Variants in THSD4 observed in about 807,000 individuals in gnomAD.
The protein encoded by THSD4 is thrombospondin type 1 domain containing 4.
A neutral mutation model predicts 119.0 loss-of-function variants in THSD4; 69 were observed. That is an observed-to-expected ratio of 0.58 (90% CI 0.48 to 0.71). The LOEUF is 0.71. THSD4 is among the 30% of genes least tolerant of loss of function. The pLI is 0.00. For missense variants in THSD4, 1,393 were observed against 1,391.1 expected (o/e 1.00, Z -0.02); for synonymous variants, 524 against 540.4 (o/e 0.97, Z 0.42).
At chr15:71,568,189 C>T (rs539536211) in intron 7 of THSD4, among the ~76,000 whole-genome samples, 2 of 152,208 alleles carry the variant, frequency 1.3e-5, no homozygotes, top group South Asian at 2.1e-4. Context: ...AACGAGGACT[C>T]CCTGGTCTTC....
intron 3 of THSD4, among the ~76,000 whole-genome samples, chr15:71,159,157 T>C (rs1316360969): frequency 6.6e-6 from 1 of 152,188 alleles, no homozygotes. Flanking sequence ...GGCTCTCTAT[T>C]CTGTTCCATT....
At chr15:71,710,691 G>A (rs1438877209) in intron 8 of THSD4, among the ~76,000 whole-genome samples, 2 of 152,174 alleles carry the variant, frequency 1.3e-5, no homozygotes, top group Non-Finnish European at 2.9e-5. Context: ...TGTTAAGCCT[G>A]GATTGAGCTC....
At chr15:71,477,604 C>G (rs1162328196) in intron 7 of THSD4, among the ~76,000 whole-genome samples, 1 of 152,188 alleles carries the variant, frequency 6.6e-6, no homozygotes, top group Non-Finnish European at 1.5e-5. Flanking sequence ...AGCAACTCTT[C>G]TATCTGTAGG....
At chr15:71,104,573 G>A (rs2040266459) in intron 1 of THSD4, among the ~76,000 whole-genome samples, 1 of 152,188 alleles carries the variant, frequency 6.6e-6, no homozygotes, top group South Asian at 2.1e-4. Context: ...CCATGGCCTA[G>A]AGAACACAGT....
intron 6 of THSD4, among the ~76,000 whole-genome samples, chr15:71,382,466 G>T (rs1036965250): frequency 6.6e-6 from 1 of 151,780 alleles, no homozygotes; most frequent in Non-Finnish European, 1.5e-5. Context: ...TTTATAATAC[G>T]CATCTTCCAC....
chr15:71,379,690 C>A (rs1423675642), intron 6 of THSD4, among the ~76,000 whole-genome samples: 2 of 151,674 alleles, frequency 1.3e-5, no homozygotes, highest in Admixed American at 1.3e-4. Flanking sequence ...AATCTCCTGA[C>A]CCCGTGATCC....
chr15:71,444,554 C>G lies in THSD4; in HGVS notation c.1152+32731C>G, dbSNP rs187039180. 3.6e-3 allele frequency among the ~76,000 whole-genome samples: 543 copies of G among 152,370 alleles called. 1 individual carries two copies. The highest frequency in any genetic ancestry group is 0.022 in the South Asian group (104 of 4,830). On this transcript the variant is annotated intron_variant, in intron 7 of 17. Coordinates refer to ENST00000261862, the MANE Select transcript of THSD4 (RefSeq NM_024817.3). Reference sequence around the variant, plus strand: ...ATTCACTGCTTTCCATTTCTACCCACACATCTCACAGCACCTCACGCTGCA... The same window carrying G: ...ATTCACTGCTTTCCATTTCTACCCAGACATCTCACAGCACCTCACGCTGCA...
At chr15:71,394,259 C>G (rs1159384772) in intron 6 of THSD4, among the ~76,000 whole-genome samples, 1 of 138,538 alleles carries the variant, frequency 7.2e-6, no homozygotes, top group African/African-American at 2.6e-5. Context: ...TGTCCAAACA[C>G]ATTTGTCTTT....
At chr15:71,720,060 G>A (rs1327092830) in intron 8 of THSD4, among the ~76,000 whole-genome samples, 4 of 101,620 alleles carry the variant, frequency 3.9e-5, no homozygotes, top group Non-Finnish European at 7.2e-5. Flanking sequence ...TTTGAGACAC[G>A]GTCCCACTCT....
intron 6 of THSD4, among the ~76,000 whole-genome samples, chr15:71,326,196 T>C (rs947946911): frequency 1.1e-4 from 17 of 152,132 alleles, no homozygotes; most frequent in African/African-American, 4.1e-4. Context: ...CCCTCCAAGC[T>C]TTGGTTTCCT....
chr15:71,572,993 T>C (rs1311149403), intron 7 of THSD4, among the ~76,000 whole-genome samples: 3 of 152,154 alleles, frequency 2.0e-5, no homozygotes, highest in Non-Finnish European at 4.4e-5. Context: ...TGAGAGGCCT[T>C]TGATGCCCCA....
At chr15:71,650,194 C>T (rs2051056232) in intron 7 of THSD4, among the ~76,000 whole-genome samples, 2 of 152,150 alleles carry the variant, frequency 1.3e-5, no homozygotes, top group Admixed American at 1.3e-4. Context: ...ATAAGTCATC[C>T]ATGGCTGTTC....
chr15:71,206,755 A>C (rs1437712636), intron 3 of THSD4, among the ~76,000 whole-genome samples: 2 of 152,180 alleles, frequency 1.3e-5, no homozygotes, highest in Non-Finnish European at 2.9e-5. Flanking sequence ...CTGTGACAAG[A>C]CTATCACCAA....
At chr15:71,664,131 C>T (rs572925724) in intron 8 of THSD4, among the ~76,000 whole-genome samples, 5 of 151,852 alleles carry the variant, frequency 3.3e-5, no homozygotes, top group African/African-American at 7.3e-5. Context: ...TACAGGCGCT[C>T]ACCACCATAC....
At chr15:71,773,645 A>G (rs1312864263) in intron 17 of THSD4, among the ~76,000 whole-genome samples, 3 of 152,240 alleles carry the variant, frequency 2.0e-5, no homozygotes, top group Non-Finnish European at 2.9e-5. Flanking sequence ...GTTACTAAAG[A>G]TGTCCAGGCC....
At position 71,165,247 on chromosome 15, in the gene THSD4, T is replaced by C. The variant is rs2043284605; in HGVS notation, c.99+10315T>C. 4 of 1,565,016 alleles carry C rather than the reference T, an allele frequency of 2.6e-6. No individual in the cohort carries two copies. In the East Asian group the frequency reaches 9.0e-5, roughly 35 times the overall value. ...CCTTTGCCATATCTTGAAATTTTCC[T>C]TTGTCTTTAGCAGAAATGGTCTTCC... On this transcript the variant is annotated intron_variant, in intron 3 of 17. Transcript: ENST00000261862.
At chr15:71,448,850 C>G (rs2047225852) in intron 7 of THSD4, among the ~76,000 whole-genome samples, 1 of 152,206 alleles carries the variant, frequency 6.6e-6, no homozygotes, top group Admixed American at 6.5e-5. Context: ...TAGAAACTGA[C>G]AAATTCTTCA....
At chr15:71,199,855 CATGTGTGGGGTG>C (rs2043778508) in intron 3 of THSD4, among the ~76,000 whole-genome samples, 1 of 89,500 alleles carries the variant, frequency 1.1e-5, no homozygotes, top group African/African-American at 5.1e-5. Context: ...GTGTGTGATG[CATGTGTGGGGTG>C]TGTGTGTGTG....
In THSD4 at chr15:71,413,258, C is replaced by T. The variant is rs151123855; in HGVS notation, c.1152+1435C>T. 3.2e-3 allele frequency among the ~76,000 whole-genome samples: 491 copies of T among 152,370 alleles called. 4 individuals carry two copies. The highest frequency in any genetic ancestry group is 0.011 in the African/African-American group (471 of 41,586). On this transcript the variant is annotated intron_variant, in intron 7 of 17. Transcript: ENST00000261862. ...GAACCCCTGACCTCAAGTGATCCAC[C>T]TGCCTTGGCCTCCTAAAGTGTTGGG...
Sources: allele counts gnomAD v4.1 joint callset (sites outside exome capture counted in the v4.1 genomes callset), GRCh38; gene constraint gnomAD v4.1.1; transcripts MANE v1.5; gene names NCBI Gene and HGNC (gene_info 2026-07-23, HGNC 2026-07-21).